The following OR2L13 variants were observed in gnomAD, a reference collection of about 807,000 sequenced individuals.
OR2L13 encodes olfactory receptor family 2 subfamily L member 13.
Under a neutral mutation model 15.3 loss-of-function variants are expected in OR2L13, and 14 were observed. The observed-to-expected ratio is 0.91, with a 90% CI of 0.60 to 1.43. The LOEUF (loss-of-function observed/expected upper bound fraction) is 1.43, where lower values mean the gene tolerates loss of function less well. Ranked by LOEUF, OR2L13 falls within the 40% of genes most tolerant of loss-of-function variation. OR2L13 has a pLI of 0.00. For synonymous variants in OR2L13, 152 were observed against 142.9 expected (o/e 1.06, Z -0.45); for missense variants, 367 against 387.9 (o/e 0.95, Z 0.45).
chr1:248,027,814 C>T, the OR2L13 span, among the ~76,000 whole-genome samples: 14 of 152,046 alleles, frequency 9.2e-5, no homozygotes, highest in Admixed American at 6.6e-4. Flanking sequence ...ACTCACGCCT[C>T]GACCAATCAG....
chr1:247,966,229 C>G, the OR2L13 span: 1 of 1,613,392 alleles, frequency 6.2e-7, no homozygotes, highest in Non-Finnish European at 8.5e-7. Flanking sequence ...CACACCTCTA[C>G]TGAACCCATT....
chr1:248,015,821 C>G, the OR2L13 span, among the ~76,000 whole-genome samples: 1 of 152,066 alleles, frequency 6.6e-6, no homozygotes, highest in Non-Finnish European at 1.5e-5. Flanking sequence ...ATGATCATAC[C>G]AACTTTAAGA....
At chr1:248,007,233 A>T in the OR2L13 span, among the ~76,000 whole-genome samples, 1 of 151,842 alleles carries the variant, frequency 6.6e-6, no homozygotes, top group Non-Finnish European at 1.5e-5. Context: ...CATTGAAATC[A>T]CTCCTACTGA....
chr1:247,954,326 C>T, the OR2L13 span, among the ~76,000 whole-genome samples: 2 of 152,222 alleles, frequency 1.3e-5, no homozygotes, highest in South Asian at 4.2e-4. Context: ...TTATTCAGTA[C>T]TTACAGCATG....
At chr1:248,048,715 G>C in the OR2L13 span, among the ~76,000 whole-genome samples, 1 of 152,098 alleles carries the variant, frequency 6.6e-6, no homozygotes, top group Non-Finnish European at 1.5e-5. Context: ...ACGGAGATCA[G>C]TTTCTGGAAG....
chr1:247,969,627 A>G, the OR2L13 span, among the ~76,000 whole-genome samples: 1 of 152,224 alleles, frequency 6.6e-6, no homozygotes, highest in Non-Finnish European at 1.5e-5. Context: ...GTATATTAGC[A>G]AAACAGGCCA....
chr1:247,993,037 G>GTTT, the OR2L13 span, among the ~76,000 whole-genome samples: 1 of 151,728 alleles, frequency 6.6e-6, no homozygotes, highest in Non-Finnish European at 1.5e-5. Flanking sequence ...AGCATCTGGT[G>GTTT]TTTTTTTTGA....
the OR2L13 span, among the ~76,000 whole-genome samples, chr1:247,967,219 G>T: frequency 4.6e-5 from 7 of 151,572 alleles, no homozygotes; most frequent in African/African-American, 9.7e-5. Context: ...TTCTTTTTTT[G>T]TTTGTTTGTT....
At chr1:248,042,464 C>G in the OR2L13 span, among the ~76,000 whole-genome samples, 6 of 151,848 alleles carry the variant, frequency 4.0e-5, no homozygotes, top group African/African-American at 1.4e-4. Context: ...ATGTAAATAA[C>G]CTGCACATTG....
the OR2L13 span, chr1:247,975,371 A>T: frequency 6.6e-6 from 4 of 609,906 alleles, no homozygotes; most frequent in African/African-American, 5.7e-5. Context: ...GCATGTTCCT[A>T]TGGTGAGGTT....
At chr1:247,951,347 T>G in the OR2L13 span, among the ~76,000 whole-genome samples, 25 of 152,324 alleles carry the variant, frequency 1.6e-4, no homozygotes, top group South Asian at 6.2e-4. Context: ...TGACAGACAT[T>G]GCATTGAATC....
the OR2L13 span, chr1:247,966,001 CT>C: frequency 6.2e-7 from 1 of 1,612,516 alleles, no homozygotes; most frequent in Admixed American, 1.7e-5. Flanking sequence ...TATCTTGCTA[CT>C]ACCATTCCTA....
the OR2L13 span, among the ~76,000 whole-genome samples, chr1:248,068,206 C>T: frequency 6.6e-6 from 1 of 152,174 alleles, no homozygotes; most frequent in African/African-American, 2.4e-5. Flanking sequence ...AAGTGGGTCC[C>T]TGACCCCTGA....
chr1:248,058,935 AT>A, the OR2L13 span, among the ~76,000 whole-genome samples: 1 of 151,816 alleles, frequency 6.6e-6, no homozygotes, highest in Non-Finnish European at 1.5e-5. Flanking sequence ...TTCACTTAAT[AT>A]TTTTTATCAA....
At chr1:248,052,827 A>G in the OR2L13 span, among the ~76,000 whole-genome samples, 1 of 152,118 alleles carries the variant, frequency 6.6e-6, no homozygotes, top group African/African-American at 2.4e-5. Context: ...TTTAAGATTC[A>G]TATAAATTTT....
the OR2L13 span, among the ~76,000 whole-genome samples, chr1:247,996,561 G>A: frequency 6.6e-6 from 1 of 152,150 alleles, no homozygotes; most frequent in African/African-American, 2.4e-5. Context: ...CAATTTCTAT[G>A]TCCAGAAAAC....
At chr1:247,949,715 C>A in the OR2L13 span, 8 of 1,613,812 alleles carry the variant, frequency 5.0e-6, no homozygotes. Flanking sequence ...TGCTCAACCC[C>A]ATCATCTATA....
At chr1:248,023,063 C>A in the OR2L13 span, 1 of 569,872 alleles carries the variant, frequency 1.8e-6, no homozygotes, top group Non-Finnish European at 2.9e-6. Context: ...TATTTTGTTT[C>A]TGTTTGTGTT....
chr1:248,095,882 G>C (rs1664727460), upstream of OR2L13, among the ~76,000 whole-genome samples: 1 of 151,264 alleles, frequency 6.6e-6, no homozygotes, highest in East Asian at 2.0e-4. Flanking sequence ...TGGGCTTACA[G>C]ACCTGAGCCA....
Sources: allele counts gnomAD v4.1 joint callset (sites outside exome capture counted in the v4.1 genomes callset), GRCh38; gene constraint gnomAD v4.1.1; transcripts MANE v1.5; gene names NCBI Gene and HGNC (gene_info 2026-07-23, HGNC 2026-07-21).